TANC2: variants seen among roughly 807,000 people sequenced by gnomAD.
TANC2 encodes the protein tetratricopeptide repeat, ankyrin repeat and coiled-coil containing 2, also known as protein TANC2.
A neutral mutation model predicts 210.5 loss-of-function variants in TANC2; 26 were observed. The ratio of observed to expected loss-of-function variants is 0.12; its 90% confidence interval spans 0.09 to 0.17. TANC2 has a LOEUF of 0.17. Ranked by LOEUF, TANC2 falls within the 10% of genes least tolerant of loss-of-function variation. The pLI is 1.00. For synonymous variants in TANC2, 931 were observed against 967.1 expected (o/e 0.96, Z 0.69); for missense variants, 2,129 against 2,608.9 (o/e 0.82, Z 4.01).
chr17:62,996,435 C>CCAGT (rs1207131565), intron 1 of TANC2, among the ~76,000 whole-genome samples: 4 of 152,132 alleles, frequency 2.6e-5, no homozygotes, highest in African/African-American at 9.7e-5. Context: ...CAACCTGTAA[C>CCAGT]CAGTGCAGCT....
At chr17:63,189,240 T>C (rs2041105340) in intron 5 of TANC2, among the ~76,000 whole-genome samples, 1 of 152,224 alleles carries the variant, frequency 6.6e-6, no homozygotes, top group Non-Finnish European at 1.5e-5. Context: ...ACCATTCATG[T>C]ACAAGTTGAT....
chr17:63,303,696 A>G (rs1165255464), intron 9 of TANC2, among the ~76,000 whole-genome samples: 2 of 152,016 alleles, frequency 1.3e-5, no homozygotes, highest in East Asian at 3.9e-4. Flanking sequence ...GTGTTTTCCA[A>G]CTTGGTTCCA....
chr17:63,216,041 G>A (rs924350866), intron 7 of TANC2, among the ~76,000 whole-genome samples: 15 of 149,328 alleles, frequency 1.0e-4, no homozygotes, highest in African/African-American at 3.2e-4. Context: ...ATGAGCCACC[G>A]CTCCTGGCCT....
At chr17:63,387,148 CTGA>C (rs2047809071) in intron 15 of TANC2, among the ~76,000 whole-genome samples, 1 of 152,086 alleles carries the variant, frequency 6.6e-6, no homozygotes, top group South Asian at 2.1e-4. Context: ...CTGCACCTGG[CTGA>C]AAATAAAATT....
intron 11 of TANC2, among the ~76,000 whole-genome samples, chr17:63,330,775 A>G (rs901639039): frequency 2.6e-5 from 4 of 152,216 alleles, no homozygotes; most frequent in Admixed American, 6.5e-5. Context: ...CAATGATGAT[A>G]ATAAATATCT....
At chr17:63,082,307 G>A (rs2036806696) in intron 3 of TANC2, among the ~76,000 whole-genome samples, 1 of 152,178 alleles carries the variant, frequency 6.6e-6, no homozygotes, top group Non-Finnish European at 1.5e-5. Flanking sequence ...TAAACAGTTG[G>A]ATAAGAAATT....
chr17:63,084,161 A>G (rs2036875752), intron 3 of TANC2, among the ~76,000 whole-genome samples: 1 of 152,188 alleles, frequency 6.6e-6, no homozygotes, highest in Admixed American at 6.5e-5. Flanking sequence ...AATTTATTTA[A>G]TAGTTATAGG....
At chr17:63,280,182 A>G (rs1015646804) in intron 9 of TANC2, among the ~76,000 whole-genome samples, 2 of 152,058 alleles carry the variant, frequency 1.3e-5, no homozygotes, top group Non-Finnish European at 2.9e-5. Flanking sequence ...AGGGTAATAG[A>G]ATAATAAACC....
At chr17:63,199,502 C>G (rs2041457878) in intron 6 of TANC2, among the ~76,000 whole-genome samples, 1 of 151,800 alleles carries the variant, frequency 6.6e-6, no homozygotes, top group Admixed American at 6.6e-5. Flanking sequence ...GGCTGTAATC[C>G]CAGCTACTCG....
intron 1 of TANC2, among the ~76,000 whole-genome samples, chr17:62,999,766 C>G (rs187369551): frequency 5.4e-4 from 82 of 152,196 alleles, no homozygotes; most frequent in African/African-American, 1.9e-3. Context: ...GTAAATTGTT[C>G]TACCAAAAAC....
chr17:63,217,417 T>C (rs1022603245), intron 7 of TANC2, among the ~76,000 whole-genome samples: 2 of 152,184 alleles, frequency 1.3e-5, no homozygotes, highest in Admixed American at 1.3e-4. Context: ...TCACAAACAA[T>C]TTTATTTTTT....
At chr17:63,242,527 G>A (rs1343290809) in intron 8 of TANC2, among the ~76,000 whole-genome samples, 1 of 152,084 alleles carries the variant, frequency 6.6e-6, no homozygotes, top group African/African-American at 2.4e-5. Flanking sequence ...GCAGATTGCG[G>A]TATCCTATTG....
intron 6 of TANC2, among the ~76,000 whole-genome samples, chr17:63,196,425 A>G (rs763065634): frequency 1.4e-4 from 21 of 152,088 alleles, no homozygotes; most frequent in Non-Finnish European, 2.8e-4. Flanking sequence ...TAACCCGAAT[A>G]TTTTTCAAGG....
rs1301352485 is a variant in TANC2 at position 63,420,555 on chromosome 17, G to A, written c.4825G>A (p.Gly1609Ser). The change falls in exon 28 of 28, where the codon GGC becomes AGC. Residue 1609 changes from glycine to serine, a missense_variant. Physicochemically the swap from Gly to Ser is moderately conservative, Grantham distance 56. Transcript: ENST00000689528. This position sits in a 1 kb window ranked among gnomAD's most constrained non-coding sequence, Gnocchi z 4.2. The stretch of plus-strand genomic sequence containing the variant: ...CAGCCCCCCTCCTGTGGGAGGACAG[G>A]GCAAAGAATACCCAAGCCCTCCCCC... The A allele has an allele frequency of 1.2e-6, 2 of 1,613,862 alleles. No individual in the cohort carries two copies. The highest frequency in any genetic ancestry group is 2.2e-5 in the East Asian group (1 of 44,868).
At chr17:62,974,060 T>C (rs1448158795) in intron 1 of TANC2, among the ~76,000 whole-genome samples, 1 of 152,220 alleles carries the variant, frequency 6.6e-6, no homozygotes, top group Non-Finnish European at 1.5e-5. Flanking sequence ...CAGTCCTTGG[T>C]CTGTTACATA....
At chr17:63,063,896 G>A (rs1455401645) in intron 2 of TANC2, among the ~76,000 whole-genome samples, 1 of 152,042 alleles carries the variant, frequency 6.6e-6, no homozygotes, top group Non-Finnish European at 1.5e-5. Flanking sequence ...CTTAACTAAG[G>A]TGTCTTCCAT....
intron 3 of TANC2, among the ~76,000 whole-genome samples, chr17:63,078,011 CT>C (rs2036633346): frequency 6.6e-6 from 1 of 152,064 alleles, no homozygotes. Flanking sequence ...CAGAATAATG[CT>C]GGCCTCATAG....
At chr17:63,153,898 A>G (rs956733372) in intron 5 of TANC2, 1 of 152,128 alleles carries the variant, frequency 6.6e-6, no homozygotes, top group Non-Finnish European at 1.5e-5. Context: ...CCTGCATGTA[A>G]AAGGAAATTG....
exon 17 of TANC2, chr17:63,389,502 G>A (rs763513697): frequency 2.8e-5 from 45 of 1,612,554 alleles, no homozygotes; most frequent in Non-Finnish European, 3.6e-5. Context: ...CAGCAGCAGG[G>A]TACCTGAGCA....
Sources: gnomAD v4.1 joint callset for allele counts (sites outside exome capture counted in the v4.1 genomes callset) on GRCh38, gnomAD v4.1.1 for gene constraint, Gnocchi (gnomAD v3.1) non-coding constraint, MANE v1.5 for transcripts, NCBI Gene and HGNC (gene_info 2026-07-23, HGNC 2026-07-21) for gene names.